Variants in DNAH7 observed in about 807,000 individuals in gnomAD.
The protein encoded by DNAH7 is dynein axonemal heavy chain 7.
In DNAH7, 397 loss-of-function variants were observed where a neutral mutation model predicts 444.6. That is an observed-to-expected ratio of 0.89 (90% CI 0.82 to 0.97). DNAH7 has a LOEUF of 0.97. Ranked by LOEUF, DNAH7 falls within the 50% of genes least tolerant of loss-of-function variation. DNAH7 has a pLI of 0.00. For missense variants in DNAH7, 4,902 were observed against 4,800.8 expected, an observed-to-expected ratio of 1.02 and a Z score of -0.62; for synonymous variants, 1,636 against 1,624.4, an observed-to-expected ratio of 1.01 and a Z score of -0.17.
intron 36 of DNAH7, among the ~76,000 whole-genome samples, chr2:195,877,237 C>G (rs772659106): frequency 3.9e-5 from 6 of 152,014 alleles, no homozygotes; most frequent in Non-Finnish European, 8.8e-5. Flanking sequence ...ATAAAATTGC[C>G]TCTCCTCACT....
chr2:195,816,627 C>T lies in DNAH7; in HGVS notation c.9761+1G>A, dbSNP rs1482052606. Reference sequence around the variant, plus strand: ...TATTAACTAGTATTTCCTTTACATACCTTTTTGCCAAAATTTCTGATTTCT... The same window carrying T: ...TATTAACTAGTATTTCCTTTACATATCTTTTTGCCAAAATTTCTGATTTCT... On this transcript the variant is annotated splice_donor_variant, in intron 51 of 64. Coordinates refer to ENST00000312428, the MANE Select transcript of DNAH7 (RefSeq NM_018897.3). LOFTEE classifies it high-confidence loss of function. 1.9e-6 allele frequency: 3 copies of T among 1,608,954 alleles called. No homozygotes were observed. The highest frequency in any genetic ancestry group is 2.5e-6 in the Non-Finnish European group (3 of 1,177,348).
chr2:195,799,559 A>G, intron 54 of DNAH7, 87 bp from the exon 55 acceptor site: 7 of 1,207,822 alleles, frequency 5.8e-6, no homozygotes, highest in Non-Finnish European at 6.7e-6. Flanking sequence ...GTTTTAAAAC[A>G]AAATACCCTA....
In DNAH7 at chr2:195,960,356, G is replaced by A. The variant is rs1691004486; in HGVS notation, c.2795C>T (p.Ser932Leu). ...CAACAACATCTGAATTTCATCAACT[G>A]ATGCCAAAATAAATGTCCCAGTTTC... ...YRETGTFILA[S>L]VDEIQMLLDD... Residue 932 changes from serine (S) to leucine (L), a missense_variant, in exon 18 of 65, where the codon TCA becomes TTA. By Grantham distance (145) the Ser-to-Leu change is moderately radical (BLOSUM62 -2). Coordinates refer to ENST00000312428, the MANE Select transcript of DNAH7 (RefSeq NM_018897.3). The A allele has an allele frequency of 6.2e-7, 1 of 1,613,854 alleles. No homozygotes were observed. Among genetic ancestry groups the A allele is most frequent in the East Asian group, 2.2e-5 (1 of 44,900 alleles).
chr2:196,018,326 C>T (rs1033034896), intron 9 of DNAH7, among the ~76,000 whole-genome samples: 3 of 151,760 alleles, frequency 2.0e-5, no homozygotes, highest in South Asian at 2.1e-4. Context: ...TTGGTAAAAA[C>T]GTATAGTATC....
In DNAH7 at chr2:195,888,941, T is replaced by C. The variant is rs1366006075; in HGVS notation, c.5087A>G (p.Asp1696Gly). ...RKWLIFDGPV[D>G]AVWIENMNTV... The stretch of plus-strand genomic sequence containing the variant: ...GTTCATATTCTCAATCCACACTGCA[T>C]CTACTGGGCCATCAAAAATTAACCA... Residue 1696 changes from aspartate (D) to glycine (G), a missense_variant, in exon 32 of 65, where the codon GAT becomes GGT. Asp to Gly is a moderately conservative substitution (Grantham distance 94). Transcript: ENST00000312428. The C allele has an allele frequency of 1.2e-6, 2 of 1,613,478 alleles. No homozygotes were observed. Among genetic ancestry groups the C allele is most frequent in the Admixed American group, 1.7e-5 (1 of 59,928 alleles).
At chr2:196,005,427 G>A (rs1008254992) in intron 10 of DNAH7, among the ~76,000 whole-genome samples, 20 of 151,850 alleles carry the variant, frequency 1.3e-4, no homozygotes, top group Admixed American at 2.0e-4. Context: ...ACCTAAAGTT[G>A]GTTGTTTAAA....
At chr2:195,932,538 T>C (rs1176372619) in intron 21 of DNAH7, among the ~76,000 whole-genome samples, 2 of 152,178 alleles carry the variant, frequency 1.3e-5, no homozygotes, top group Admixed American at 6.6e-5. Context: ...TTCAGTATGA[T>C]ACTGGCTGTG....
intron 1 of DNAH7, among the ~76,000 whole-genome samples, chr2:196,065,819 CTGT>C (rs1342545998): frequency 1.3e-5 from 2 of 152,342 alleles, no homozygotes; most frequent in African/African-American, 4.8e-5. Flanking sequence ...TGTCCTACTG[CTGT>C]TAATCCTTGA....
intron 61 of DNAH7, among the ~76,000 whole-genome samples, chr2:195,769,511 G>A (rs1421860139): frequency 6.6e-6 from 1 of 151,952 alleles, no homozygotes; most frequent in East Asian, 1.9e-4. Context: ...CTGCCATTGG[G>A]CAGATTCACA....
chr2:195,897,598 C>A (rs974699971), intron 29 of DNAH7, 69 bp downstream of exon 29: 2 of 875,042 alleles, frequency 2.3e-6, no homozygotes, highest in Middle Eastern at 2.5e-4. Context: ...GGGAGCTTCA[C>A]AACCTTAGAC....
At chr2:195,755,762 T>A (rs866055707) in intron 62 of DNAH7, among the ~76,000 whole-genome samples, 3 of 152,234 alleles carry the variant, frequency 2.0e-5, no homozygotes, top group Non-Finnish European at 4.4e-5. Context: ...ATTGAGGTCA[T>A]TACTGACTTG....
rs1694056033 is a variant in DNAH7 at position 196,001,823 on chromosome 2, C to T, written c.1025G>A (p.Gly342Asp). The T allele has an allele frequency of 6.2e-7, 1 of 1,610,188 alleles. No individual in the cohort carries two copies. The highest frequency in any genetic ancestry group is 2.2e-5 in the East Asian group (1 of 44,760). The change falls in exon 11 of 65, where the codon GGT (glycine) becomes GAT (aspartate). Residue 342 changes from glycine to aspartate, a missense_variant. By Grantham distance (94) the Gly-to-Asp change is moderately conservative. Coordinates refer to ENST00000312428, the MANE Select transcript of DNAH7 (RefSeq NM_018897.3). Reference protein sequence around the residue: ...FPEVQNIYYQGNKKKQLPTGD... With the variant: ...FPEVQNIYYQDNKKKQLPTGD... ...AGTTGGCAATTGCTTTTTTTTATTA[C>T]CTTGGTAATAAATATTCTGCACTTC...
chr2:195,987,858 T>C, intron 13 of DNAH7, 99 bp downstream of exon 13: 3 of 1,163,280 alleles, frequency 2.6e-6, no homozygotes, highest in Non-Finnish European at 2.4e-6. Context: ...CTGTTGATGA[T>C]AATGTTCTAA....
At chr2:195,881,604 T>C (rs1701380483) in intron 36 of DNAH7, among the ~76,000 whole-genome samples, 191 bp downstream of exon 36, 2 of 151,980 alleles carry the variant, frequency 1.3e-5, no homozygotes, top group Non-Finnish European at 2.9e-5. Context: ...CTTTTGAAAA[T>C]AAATAGGCAA....
chr2:195,754,470 GC>G lies in DNAH7; in HGVS notation c.11630del (p.Gly3877AlafsTer9). 6.2e-7 allele frequency: 1 copy of G among 1,614,094 alleles called. No homozygotes were observed. ...TCAGGAAGGCTTGTGTGAAGAAGAAGCCAGAAAGCCAGAAGACTGGAGGAGG... is the reference window on the plus strand; with the variant it reads ...TCAGGAAGGCTTGTGTGAAGAAGAAGCAGAAAGCCAGAAGACTGGAGGAGG... ...VGPPPVFWLS[G>X]FFFTQAFLTG... On this transcript the variant is annotated frameshift_variant, in exon 63 of 65. Transcript: ENST00000312428. LOFTEE classifies it high-confidence loss of function.
At position 195,824,253 on chromosome 2, in the gene DNAH7, G is replaced by A; in HGVS notation, c.9291+2C>T. 2 of 1,609,056 alleles carry A rather than the reference G, an allele frequency of 1.2e-6. No individual in the cohort carries two copies. Among genetic ancestry groups the A allele is most frequent in the South Asian group, 1.1e-5 (1 of 90,426 alleles). ...AAAGAAACATTCATTTTATATACTG[G>A]CCTTTACTGATGTTTCAGGAAGATA... On this transcript the variant is annotated splice_donor_variant, in intron 49 of 64. Transcript: ENST00000312428. LOFTEE classifies it low-confidence loss of function (GC_TO_GT_DONOR).
chr2:195,808,735 G>C lies in DNAH7; in HGVS notation c.10030C>G (p.Arg3344Gly). 1.2e-6 allele frequency: 2 copies of C among 1,613,904 alleles called. No homozygotes were observed. Among genetic ancestry groups the C allele is most frequent in the Non-Finnish European group, 1.7e-6 (2 of 1,179,916 alleles). ...TCCTTTAAGCGCATAAACTCTCTACGAATGGTTTTGAAGGCAGGCAAATCA... is the reference window on the plus strand; with the variant it reads ...TCCTTTAAGCGCATAAACTCTCTACCAATGGTTTTGAAGGCAGGCAAATCA... Reference protein sequence around the residue: ...LDDLPAFKTIRREFMRLKDGW... With the variant: ...LDDLPAFKTIGREFMRLKDGW... The change falls in exon 53 of 65, where the codon CGT (arginine) becomes GGT (glycine). Residue 3344 changes from arginine to glycine, a missense_variant. Coordinates refer to ENST00000312428, the MANE Select transcript of DNAH7 (RefSeq NM_018897.3).
intron 5 of DNAH7, among the ~76,000 whole-genome samples, chr2:196,046,568 G>C (rs948683639): frequency 1.3e-5 from 2 of 152,162 alleles, no homozygotes; most frequent in African/African-American, 2.4e-5. Context: ...TAGCATCCTA[G>C]TGGCACCTGG....
chr2:195,890,934 G>A (rs1168464913), intron 31 of DNAH7, among the ~76,000 whole-genome samples: 1 of 152,210 alleles, frequency 6.6e-6, no homozygotes, highest in East Asian at 1.9e-4. Context: ...TAAACGTCCT[G>A]AGCCTAGGCC....
Sources: gnomAD v4.1 joint callset for allele counts (sites outside exome capture counted in the v4.1 genomes callset) on GRCh38, gnomAD v4.1.1 for gene constraint, MANE v1.5 for transcripts, NCBI Gene and HGNC (gene_info 2026-07-23, HGNC 2026-07-21) for gene names.